PDE4D: variants seen among roughly 807,000 people sequenced by gnomAD.
PDE4D encodes the protein 3',5'-cyclic-AMP phosphodiesterase 4D.
PDE4D carries 24 observed loss-of-function variants against 87.4 expected under a neutral mutation model. The observed-to-expected ratio is 0.27, with a 90% CI of 0.20 to 0.39. The LOEUF (loss-of-function observed/expected upper bound fraction) is 0.39, where lower values mean the gene tolerates loss of function less well. Ranked by LOEUF, PDE4D falls within the 10% of genes least tolerant of loss-of-function variation. The pLI is 1.00. For missense variants in PDE4D, 714 were observed against 1,041.0 expected, an observed-to-expected ratio of 0.69 and a Z score of 4.32; for synonymous variants, 384 against 383.2, an observed-to-expected ratio of 1.00 and a Z score of -0.02.
chr5:59,592,190 C>T, intron 1 of PDE4D: 2 of 952,324 alleles, frequency 2.1e-6, no homozygotes, highest in Non-Finnish European at 1.3e-6. Flanking sequence ...ATATTTATAA[C>T]ACCAAAAACA....
intron 1 of PDE4D, among the ~76,000 whole-genome samples, chr5:60,494,590 G>C (rs1749712244): frequency 6.6e-6 from 1 of 152,126 alleles, no homozygotes; most frequent in Non-Finnish European, 1.5e-5. Flanking sequence ...GTCTCCCTGG[G>C]CTCCCCAGAT....
chr5:60,331,618 A>G (rs1757314562), intron 1 of PDE4D, among the ~76,000 whole-genome samples: 1 of 152,190 alleles, frequency 6.6e-6, no homozygotes, highest in African/African-American at 2.4e-5. Flanking sequence ...TACCCAGACC[A>G]TGGCTTACAT....
At chr5:60,504,531 A>G (rs1458428811) in intron 1 of PDE4D, among the ~76,000 whole-genome samples, 2 of 152,102 alleles carry the variant, frequency 1.3e-5, no homozygotes, top group Non-Finnish European at 2.9e-5. Context: ...ACAAAAAAAG[A>G]TCAGGTAACA....
chr5:59,701,305 G>A (rs547751994), intron 1 of PDE4D, among the ~76,000 whole-genome samples: 2 of 152,078 alleles, frequency 1.3e-5, no homozygotes, highest in Admixed American at 6.6e-5. Flanking sequence ...TGCTAATCAC[G>A]GCACTCACTA....
chr5:59,858,758 T>C (rs976910430), intron 1 of PDE4D, among the ~76,000 whole-genome samples: 3 of 152,228 alleles, frequency 2.0e-5, no homozygotes, highest in African/African-American at 7.2e-5. Context: ...TAATATATTT[T>C]CCTTTTGCCT....
At chr5:59,349,773 A>G (rs909523001) in intron 1 of PDE4D, among the ~76,000 whole-genome samples, 5 of 151,998 alleles carry the variant, frequency 3.3e-5, no homozygotes, top group Non-Finnish European at 7.4e-5. Flanking sequence ...TTTTTTGTAC[A>G]TCTCCTGGCA....
chr5:59,264,635 T>C (rs533717317), intron 1 of PDE4D, among the ~76,000 whole-genome samples: 2 of 152,002 alleles, frequency 1.3e-5, no homozygotes, highest in African/African-American at 4.8e-5. Flanking sequence ...TAATTTTTTT[T>C]CCCAAGCTGG....
At chr5:59,183,962 G>A (rs1367907812) in intron 4 of PDE4D, among the ~76,000 whole-genome samples, 7 of 152,150 alleles carry the variant, frequency 4.6e-5, no homozygotes, top group African/African-American at 7.2e-5. Flanking sequence ...AGAGAGCTAC[G>A]TGCTAACATA....
At chr5:60,520,869 A>T (rs1053793719) in intron 1 of PDE4D, among the ~76,000 whole-genome samples, 4 of 152,144 alleles carry the variant, frequency 2.6e-5, no homozygotes, top group African/African-American at 7.2e-5. Flanking sequence ...GAGCAAGGTC[A>T]TTCCACAGAC....
intron 2 of PDE4D, among the ~76,000 whole-genome samples, chr5:60,164,495 G>T (rs1782722747): frequency 6.6e-6 from 1 of 151,982 alleles, no homozygotes; most frequent in African/African-American, 2.4e-5. Flanking sequence ...AAAAAAAGAT[G>T]GATTTTTTCA....
chr5:60,408,441 G>A (rs1275590086), intron 1 of PDE4D, among the ~76,000 whole-genome samples: 2 of 152,258 alleles, frequency 1.3e-5, no homozygotes, highest in Non-Finnish European at 2.9e-5. Flanking sequence ...TGCCAACTGA[G>A]GCTCTGAGGC....
At chr5:60,092,972 C>T (rs1562083755) in intron 2 of PDE4D, among the ~76,000 whole-genome samples, 1 of 152,138 alleles carries the variant, frequency 6.6e-6, no homozygotes, top group African/African-American at 2.4e-5. Context: ...ATCATTTGTA[C>T]GATTCCAGTC....
chr5:59,781,750 A>C (rs1214982293), intron 1 of PDE4D, among the ~76,000 whole-genome samples: 1 of 130,732 alleles, frequency 7.6e-6, no homozygotes, highest in Non-Finnish European at 1.5e-5. Flanking sequence ...GCACCACTGC[A>C]CTCCAGCCTG....
rs185900255 is a variant in PDE4D at position 59,870,587 on chromosome 5, C to A, written c.455+22581G>T. ...CACTACATAAAATTGGAAAAGAATGCATGCCTAAGAAGGGACTACTTACCT... is the reference window on the plus strand; with the variant it reads ...CACTACATAAAATTGGAAAAGAATGAATGCCTAAGAAGGGACTACTTACCT... On this transcript the variant is annotated intron_variant, in intron 1 of 14. Transcript: ENST00000340635. Among the ~76,000 whole-genome samples, 7 of 152,256 alleles carry A rather than the reference C, an allele frequency of 4.6e-5. No homozygotes were observed. The East Asian group carries it at 1.3e-3, about 29-fold the overall frequency.
chr5:59,539,613 A>G (rs1815934711), intron 1 of PDE4D, among the ~76,000 whole-genome samples: 1 of 152,194 alleles, frequency 6.6e-6, no homozygotes, highest in Non-Finnish European at 1.5e-5. Flanking sequence ...AAAAAAGAAT[A>G]TATGTCTAGA....
intron 2 of PDE4D, among the ~76,000 whole-genome samples, chr5:60,072,608 T>C (rs941152183): frequency 6.6e-6 from 1 of 152,150 alleles, no homozygotes; most frequent in Non-Finnish European, 1.5e-5. Context: ...TGGTATTGCT[T>C]AGGTTGTCTT....
chr5:59,776,542 T>A (rs1764095307), intron 1 of PDE4D, among the ~76,000 whole-genome samples: 1 of 152,192 alleles, frequency 6.6e-6, no homozygotes, highest in South Asian at 2.1e-4. Context: ...ACTGATGCTT[T>A]TATGGCTCTG....
intron 5 of PDE4D, among the ~76,000 whole-genome samples, chr5:59,115,384 T>C (rs368084746): frequency 6.6e-6 from 1 of 152,262 alleles, no homozygotes; most frequent in East Asian, 1.9e-4. Context: ...GTAGATTTTC[T>C]TTTTCTGTTG....
chr5:59,817,005 G>T (rs2152684553), intron 1 of PDE4D, among the ~76,000 whole-genome samples: 1 of 152,302 alleles, frequency 6.6e-6, no homozygotes, highest in Non-Finnish European at 1.5e-5. Flanking sequence ...TCTCACAGGG[G>T]TAAGTGAGCA....
Sources: gnomAD v4.1 joint callset for allele counts (sites outside exome capture counted in the v4.1 genomes callset) on GRCh38, gnomAD v4.1.1 for gene constraint, MANE v1.5 for transcripts, NCBI Gene and HGNC (gene_info 2026-07-23, HGNC 2026-07-21) for gene names.